Variants in ASIC2 observed in about 807,000 individuals in gnomAD.
ASIC2 encodes the protein acid-sensing ion channel 2.
Under a neutral mutation model 57.3 loss-of-function variants are expected in ASIC2, and 25 were observed. The observed-to-expected ratio is 0.44, with a 90% CI of 0.32 to 0.61. ASIC2 has a LOEUF of 0.61. Ranked by LOEUF, ASIC2 falls within the 20% of genes least tolerant of loss-of-function variation. The pLI, the probability that ASIC2 is intolerant of heterozygous loss-of-function variation, is 0.06. For missense variants in ASIC2, 641 were observed against 738.1 expected, an observed-to-expected ratio of 0.87 and a Z score of 1.52; for synonymous variants, 319 against 307.5, an observed-to-expected ratio of 1.04 and a Z score of -0.39.
At position 33,951,592 on chromosome 17, in the gene ASIC2, C is replaced by CT. The variant is rs543597971; in HGVS notation, c.555+204385dup. On this transcript the variant is annotated intron_variant, in intron 1 of 9. Coordinates refer to the ASIC2 transcript ENST00000359872. ...CTTTTCTTTTTTCTTTTCTTTTTTT[C>CT]TTTTTTTTTCGATGGAGTCTCACTC... Among the ~76,000 whole-genome samples, 4 of 149,386 alleles carry CT rather than the reference C, an allele frequency of 2.7e-5. No individual in the cohort carries two copies. In the East Asian group the frequency reaches 5.9e-4, roughly 22 times the overall value.
At chr17:33,035,084 T>G (rs911556244) in intron 3 of ASIC2, among the ~76,000 whole-genome samples, 26 of 152,192 alleles carry the variant, frequency 1.7e-4, no homozygotes, top group African/African-American at 6.3e-4. Flanking sequence ...CATTCATTTA[T>G]TATTTTGTAA....
chr17:33,933,479 C>G (rs1915989926), intron 1 of ASIC2, among the ~76,000 whole-genome samples: 1 of 152,136 alleles, frequency 6.6e-6, no homozygotes, highest in Non-Finnish European at 1.5e-5. Context: ...AGCCATTTTT[C>G]AAATGAATAA....
chr17:33,527,525 C>G (rs2039490368), intron 1 of ASIC2, among the ~76,000 whole-genome samples: 1 of 152,018 alleles, frequency 6.6e-6, no homozygotes, highest in South Asian at 2.1e-4. Context: ...TGAAAAATGA[C>G]CAGGAGTGGG....
At chr17:33,391,550 C>T (rs949215139) in intron 1 of ASIC2, among the ~76,000 whole-genome samples, 3 of 152,202 alleles carry the variant, frequency 2.0e-5, no homozygotes, top group African/African-American at 4.8e-5. Context: ...CTTTTCCTGA[C>T]ATCTAAGTCC....
At chr17:33,667,339 C>T (rs1293269230) in intron 1 of ASIC2, among the ~76,000 whole-genome samples, 1 of 152,208 alleles carries the variant, frequency 6.6e-6, no homozygotes, top group African/African-American at 2.4e-5. Context: ...ACAGCGTGCA[C>T]ATGTGCTTTG....
At chr17:33,848,346 A>G (rs1040266879) in intron 1 of ASIC2, among the ~76,000 whole-genome samples, 1 of 152,126 alleles carries the variant, frequency 6.6e-6, no homozygotes, top group African/African-American at 2.4e-5. Context: ...TACATGCTCA[A>G]CCTCTTAGGT....
At chr17:34,103,691 A>T (rs1910944601) in intron 1 of ASIC2, among the ~76,000 whole-genome samples, 1 of 152,046 alleles carries the variant, frequency 6.6e-6, no homozygotes, top group South Asian at 2.1e-4. Context: ...CTGTTGTTTC[A>T]GCACAATTTG....
At chr17:33,148,527 C>A (rs3930349) in intron 1 of ASIC2, among the ~76,000 whole-genome samples, 34,199 of 152,190 alleles carry the variant, frequency 0.22, 3,829 homozygotes, top group Middle Eastern at 0.32. Context: ...GGAGGTCAAA[C>A]TGCCTGGGTT....
chr17:33,335,177 G>A (rs1907465821), intron 1 of ASIC2, among the ~76,000 whole-genome samples: 1 of 152,178 alleles, frequency 6.6e-6, no homozygotes, highest in East Asian at 1.9e-4. Flanking sequence ...TAGCGTCCAG[G>A]TAAAATGATA....
At chr17:33,281,565 C>T (rs971458086) in intron 1 of ASIC2, among the ~76,000 whole-genome samples, 3 of 152,190 alleles carry the variant, frequency 2.0e-5, no homozygotes, top group Non-Finnish European at 4.4e-5. Context: ...CAGCCCTACA[C>T]GAAAAGTATG....
rs543369509 is a variant in ASIC2 at position 34,088,327 on chromosome 17, G to T, written c.555+67651C>A. Reference sequence around the variant, plus strand: ...TCCACTCCAGACCCTGTTTGCCTGGGTATCAGCAGCGGTGTTTGCAGAACA... The same window carrying T: ...TCCACTCCAGACCCTGTTTGCCTGGTTATCAGCAGCGGTGTTTGCAGAACA... On this transcript the variant is annotated intron_variant, in intron 1 of 9. Transcript: ENST00000359872. Among the ~76,000 whole-genome samples, 5 of 152,320 alleles carry T rather than the reference G, an allele frequency of 3.3e-5. No homozygotes were observed. In the South Asian group the frequency reaches 1.0e-3, roughly 32 times the overall value.
intron 3 of ASIC2, among the ~76,000 whole-genome samples, chr17:33,062,019 A>AT (rs1320869543): frequency 1.3e-5 from 2 of 152,074 alleles, no homozygotes; most frequent in African/African-American, 2.4e-5. Flanking sequence ...CCCCTTTATC[A>AT]TTTTTTATTG....
intron 1 of ASIC2, among the ~76,000 whole-genome samples, chr17:33,119,646 C>G (rs1055693345): frequency 6.6e-6 from 1 of 152,212 alleles, no homozygotes; most frequent in Non-Finnish European, 1.5e-5. Context: ...GCTCATTCAC[C>G]TGTTCCTGAA....
At chr17:33,503,525 C>T (rs1156876744) in intron 1 of ASIC2, among the ~76,000 whole-genome samples, 4 of 152,046 alleles carry the variant, frequency 2.6e-5, no homozygotes, top group Non-Finnish European at 5.9e-5. Flanking sequence ...CAAAGGCAAC[C>T]CTGTTGATAA....
Position 33,906,812 on chromosome 17 carries a change from G to A in ASIC2, c.555+249166C>T, listed in dbSNP as rs1007160639. On this transcript the variant is annotated intron_variant, in intron 1 of 9. Coordinates refer to the ASIC2 transcript ENST00000359872. ...CATCAAGACCTACTGGGATCTTAAC[G>A]AGGAGGCTGAGCTGTTGGCACTGAG... 3.9e-5 allele frequency among the ~76,000 whole-genome samples: 6 copies of A among 152,156 alleles called. 1 individual carries two copies. The highest frequency in any genetic ancestry group is 3.3e-4 in the Admixed American group (5 of 15,274).
At chr17:33,941,271 T>C (rs1413324987) in intron 1 of ASIC2, among the ~76,000 whole-genome samples, 3 of 152,126 alleles carry the variant, frequency 2.0e-5, no homozygotes, top group African/African-American at 7.2e-5. Flanking sequence ...GGAGAGTCTT[T>C]CAGATCATCC....
intron 1 of ASIC2, among the ~76,000 whole-genome samples, chr17:33,245,291 A>G (rs755944868): frequency 1.3e-4 from 20 of 152,202 alleles, no homozygotes; most frequent in Non-Finnish European, 2.8e-4. Flanking sequence ...CGGAAATAGG[A>G]ACAGGTGCTT....
At chr17:33,663,919 G>A (rs1039018553) in intron 1 of ASIC2, among the ~76,000 whole-genome samples, 6 of 152,200 alleles carry the variant, frequency 3.9e-5, no homozygotes, top group East Asian at 1.9e-4. Flanking sequence ...CCTACCTACC[G>A]CCAGCTGCCC....
chr17:33,492,198 G>C (rs1913783895), intron 1 of ASIC2, among the ~76,000 whole-genome samples: 1 of 152,182 alleles, frequency 6.6e-6, no homozygotes, highest in Non-Finnish European at 1.5e-5. Flanking sequence ...TTTACATCTG[G>C]GAATTCATTT....
Sources: allele counts gnomAD v4.1 joint callset (sites outside exome capture counted in the v4.1 genomes callset), GRCh38; gene constraint gnomAD v4.1.1; transcripts MANE v1.5; gene names NCBI Gene and HGNC (gene_info 2026-07-23, HGNC 2026-07-21).